Variants in FOXP1 observed in about 807,000 individuals in gnomAD.
The protein encoded by FOXP1 is forkhead box protein P1.
A neutral mutation model predicts 98.2 loss-of-function variants in FOXP1; 15 were observed. That is an observed-to-expected ratio of 0.15 (90% CI 0.10 to 0.24). FOXP1 has a LOEUF of 0.24. Among genes scored for constraint, FOXP1 ranks in the 10% least tolerant of loss-of-function variants. FOXP1 has a pLI of 1.00. For missense variants in FOXP1, 633 were observed against 848.5 expected (o/e 0.75, Z 3.15); for synonymous variants, 371 against 314.5 (o/e 1.18, Z -1.90).
intron 5 of FOXP1, among the ~76,000 whole-genome samples, chr3:71,294,390 C>T (rs1037879379): frequency 6.6e-6 from 1 of 152,176 alleles, no homozygotes; most frequent in East Asian, 1.9e-4. Context: ...TAATTCCCGA[C>T]ACCCTGGACT....
In FOXP1 at chr3:70,958,288, C is replaced by T; in HGVS notation, c.*959G>A. 1 of 535,416 alleles carries T rather than the reference C, an allele frequency of 1.9e-6. No homozygotes were observed. Among genetic ancestry groups the T allele is most frequent in the Non-Finnish European group, 3.6e-6 (1 of 276,190 alleles). The allele number at this position is 535,416 out of a possible 1,614,324, so 33.2% of individuals were successfully genotyped here. A position where few individuals can be genotyped will look rare whatever the true frequency, so the allele number is the denominator to read the frequency against. On this transcript the variant is annotated 3_prime_UTR_variant, in exon 21 of 21. Transcript: ENST00000649528. ...AATACTGCTGCGTGGAATGAATCGG[C>T]ATTGTTCCTAGAGTTTGTCTCTCTT...
intron 6 of FOXP1, among the ~76,000 whole-genome samples, chr3:71,162,852 A>G (rs1035411582): frequency 6.6e-6 from 1 of 152,174 alleles, no homozygotes; most frequent in Non-Finnish European, 1.5e-5. Flanking sequence ...TTGAAGGCTG[A>G]TCTCTTCATT....
intron 20 of FOXP1, among the ~76,000 whole-genome samples, chr3:70,962,917 C>G (rs1307549488): frequency 6.6e-6 from 1 of 152,132 alleles, no homozygotes; most frequent in Non-Finnish European, 1.5e-5. Context: ...GCATGTAAAG[C>G]CCCACAAAAC....
At chr3:71,356,312 G>C (rs899862952) in intron 4 of FOXP1, among the ~76,000 whole-genome samples, 1 of 151,984 alleles carries the variant, frequency 6.6e-6, no homozygotes, top group African/African-American at 2.4e-5. Flanking sequence ...TGCTAACAGG[G>C]CTACAGCAGC....
chr3:71,189,908 T>G (rs192795041), intron 6 of FOXP1, among the ~76,000 whole-genome samples: 2 of 152,290 alleles, frequency 1.3e-5, no homozygotes, highest in East Asian at 3.9e-4. Context: ...GGGATTCAGA[T>G]GGAGGAGGAG....
chr3:71,450,241 A>G (rs1441391631), intron 3 of FOXP1, among the ~76,000 whole-genome samples: 5 of 152,362 alleles, frequency 3.3e-5, no homozygotes, highest in Non-Finnish European at 5.9e-5. Flanking sequence ...TAGATTCACA[A>G]CTAAAAAACT....
chr3:71,149,036 T>C (rs2060450210), intron 6 of FOXP1, among the ~76,000 whole-genome samples: 2 of 152,230 alleles, frequency 1.3e-5, no homozygotes, highest in South Asian at 4.1e-4. Context: ...GACAACGTGC[T>C]TGTACAGTTA....
intron 6 of FOXP1, among the ~76,000 whole-genome samples, chr3:71,164,070 T>G (rs1421680768): frequency 6.6e-6 from 1 of 152,078 alleles, no homozygotes; most frequent in East Asian, 1.9e-4. Flanking sequence ...AATCCCCAAA[T>G]AAAGAAACAG....
intron 3 of FOXP1, among the ~76,000 whole-genome samples, chr3:71,476,097 T>A (rs1472473220): frequency 6.6e-6 from 1 of 152,160 alleles, no homozygotes; most frequent in Non-Finnish European, 1.5e-5. Context: ...GAAACATCAC[T>A]AGTGTGTTAA....
chr3:71,485,864 G>A (rs1382245810), intron 3 of FOXP1, among the ~76,000 whole-genome samples: 2 of 151,936 alleles, frequency 1.3e-5, no homozygotes, highest in African/African-American at 2.4e-5. Context: ...GAAAAAGCCA[G>A]GAGGTGAGGA....
chr3:71,103,242 ACC>A (rs983134689), intron 7 of FOXP1, among the ~76,000 whole-genome samples: 4 of 152,208 alleles, frequency 2.6e-5, no homozygotes, highest in African/African-American at 9.6e-5. Context: ...CCTGAAAATA[ACC>A]CATAGTTACA....
chr3:71,020,634 G>C (rs2045289785), intron 11 of FOXP1, among the ~76,000 whole-genome samples: 2 of 152,218 alleles, frequency 1.3e-5, no homozygotes, highest in Admixed American at 1.3e-4. Context: ...TTCTGAAGGA[G>C]ATGAAGCAAA....
intron 6 of FOXP1, among the ~76,000 whole-genome samples, chr3:71,184,179 T>C (rs902936630): frequency 2.6e-5 from 4 of 151,968 alleles, no homozygotes; most frequent in African/African-American, 9.7e-5. Flanking sequence ...AAAAAAGCCC[T>C]TCAGATGATG....
At chr3:71,015,294 A>C (rs548616943) in intron 12 of FOXP1, among the ~76,000 whole-genome samples, 38 of 152,216 alleles carry the variant, frequency 2.5e-4, no homozygotes, top group African/African-American at 8.7e-4. Context: ...AATCCTTGTC[A>C]CTCTGAAAAA....
At chr3:71,349,706 A>T (rs2107833106) in intron 4 of FOXP1, among the ~76,000 whole-genome samples, 1 of 152,364 alleles carries the variant, frequency 6.6e-6, no homozygotes, top group Admixed American at 6.5e-5. Flanking sequence ...AATGGACATA[A>T]CTAAATGTTA....
chr3:71,402,975 A>T (rs1414107437), intron 3 of FOXP1, among the ~76,000 whole-genome samples: 1 of 152,230 alleles, frequency 6.6e-6, no homozygotes, highest in Admixed American at 6.5e-5. Context: ...GATGGTTTGA[A>T]AAATCCCTCA....
At chr3:71,039,057 A>C (rs918009899) in intron 11 of FOXP1, among the ~76,000 whole-genome samples, 4 of 152,120 alleles carry the variant, frequency 2.6e-5, no homozygotes, top group Admixed American at 2.6e-4. Context: ...CATTCAGTTA[A>C]AATGTGCTGA....
At chr3:70,972,723 A>G (rs2107204320) in intron 17 of FOXP1, 47 bp from the exon 18 acceptor site, 1 of 1,603,324 alleles carries the variant, frequency 6.2e-7, no homozygotes, top group East Asian at 2.2e-5. Context: ...CTATAAGAAA[A>G]GACTCCAAAA....
chr3:71,240,951 C>T (rs1284145770), intron 5 of FOXP1, among the ~76,000 whole-genome samples: 2 of 151,826 alleles, frequency 1.3e-5, no homozygotes, highest in African/African-American at 4.8e-5. Context: ...TTTCTCACGC[C>T]TGTAATCCCA....
Sources: allele counts gnomAD v4.1 joint callset (sites outside exome capture counted in the v4.1 genomes callset), GRCh38; gene constraint gnomAD v4.1.1; transcripts MANE v1.5; gene names NCBI Gene and HGNC (gene_info 2026-07-23, HGNC 2026-07-21).